SIK3: variants seen among roughly 807,000 people sequenced by gnomAD.
The protein encoded by SIK3 is SIK family kinase 3.
A neutral mutation model predicts 144.2 loss-of-function variants in SIK3; 28 were observed. That is an observed-to-expected ratio of 0.19 (90% CI 0.14 to 0.27). The LOEUF is 0.27. Ranked by LOEUF, SIK3 falls within the 10% of genes least tolerant of loss-of-function variation. SIK3 has a pLI of 1.00. For synonymous variants in SIK3, 686 were observed against 676.3 expected (o/e 1.01, Z -0.22); for missense variants, 1,319 against 1,776.0 (o/e 0.74, Z 4.62).
At chr11:117,088,276 G>C (rs965375610) in intron 1 of SIK3, among the ~76,000 whole-genome samples, 9 of 152,028 alleles carry the variant, frequency 5.9e-5, no homozygotes, top group Non-Finnish European at 1.3e-4. Flanking sequence ...TAAGGGATTT[G>C]AATTCAAATT....
chr11:116,931,549 C>G (rs910681225), intron 3 of SIK3, among the ~76,000 whole-genome samples: 8 of 152,196 alleles, frequency 5.3e-5, no homozygotes, highest in African/African-American at 1.7e-4. Context: ...TGAACATACC[C>G]TGACAGCAGG....
intron 3 of SIK3, among the ~76,000 whole-genome samples, chr11:116,942,751 G>A (rs1181206375): frequency 6.6e-6 from 1 of 152,214 alleles, no homozygotes; most frequent in East Asian, 1.9e-4. Context: ...GAAAGATGCC[G>A]ATGTGAGGAG....
chr11:116,845,989 C>T (rs1941908244), intron 24 of SIK3, among the ~76,000 whole-genome samples: 1 of 152,192 alleles, frequency 6.6e-6, no homozygotes, highest in South Asian at 2.1e-4. Context: ...ACATATTTTC[C>T]TGCCAGGTTT....
At chr11:117,037,198 G>A (rs567333808) in intron 1 of SIK3, among the ~76,000 whole-genome samples, 1 of 152,178 alleles carries the variant, frequency 6.6e-6, no homozygotes, top group African/African-American at 2.4e-5. Flanking sequence ...CTTTTTCAAG[G>A]CCATAGCAAA....
intron 1 of SIK3, among the ~76,000 whole-genome samples, chr11:117,067,629 T>C (rs1160442457): frequency 2.0e-5 from 3 of 152,208 alleles, no homozygotes; most frequent in South Asian, 2.1e-4. Context: ...AAAATTCAAA[T>C]TGTAAACTTA....
In SIK3 at chr11:116,912,371, G is replaced by A. The variant is rs544856551; in HGVS notation, c.616+14848C>T. Among the ~76,000 whole-genome samples, 23 of 152,240 alleles carry A rather than the reference G, an allele frequency of 1.5e-4. No homozygotes were observed. The South Asian group carries it at 4.6e-3, about 30-fold the overall frequency. ...TGTGGTAAGGGAAAAGAGCAAAACG[G>A]GCGGCATTAATTTATAAATCAGGGC... On this transcript the variant is annotated intron_variant, in intron 4 of 24. Transcript: ENST00000445177.
chr11:116,893,302 AG>A (rs554329063), intron 6 of SIK3, among the ~76,000 whole-genome samples: 163 of 152,112 alleles, frequency 1.1e-3, no homozygotes, highest in African/African-American at 3.2e-3. Flanking sequence ...CAGGGGAGGG[AG>A]GCAGGACAGC....
rs1390938682 is a variant in SIK3, at chr11:116,945,083, C to T, written c.454+8961G>A. On this transcript the variant is annotated intron_variant, in intron 3 of 24. Transcript: ENST00000445177. ...CACAACATTCTCCTGCCTCAGCCTC[C>T]TGAGTAGCTGGGACTACAGGCGTCC... Among the ~76,000 whole-genome samples, 5 of 152,264 alleles carry T rather than the reference C, an allele frequency of 3.3e-5. No individual in the cohort carries two copies. In the South Asian group the frequency reaches 8.3e-4, roughly 25 times the overall value.
intron 1 of SIK3, among the ~76,000 whole-genome samples, chr11:117,085,865 G>T (rs1353539377): frequency 6.6e-6 from 1 of 152,092 alleles, no homozygotes; most frequent in Non-Finnish European, 1.5e-5. Context: ...TGTGCCTATA[G>T]TCCCAGCTAC....
At chr11:117,071,053 T>G (rs1050647332) in intron 1 of SIK3, among the ~76,000 whole-genome samples, 47 of 151,740 alleles carry the variant, frequency 3.1e-4, no homozygotes, top group Non-Finnish European at 8.8e-5. Context: ...AAAAGAAACA[T>G]AAAATAAAAC....
chr11:116,846,530 G>A lies in SIK3; in HGVS notation c.3976C>T (p.His1326Tyr). The A allele has an allele frequency of 6.2e-7, 1 of 1,614,158 alleles. No individual in the cohort carries two copies. Among genetic ancestry groups the A allele is most frequent in the Non-Finnish European group, 8.5e-7 (1 of 1,180,018 alleles). ...CCATCACTCAGGTCTGGGTGCTCAT[G>A]ACCTCCCAGGCTTGCCCCACATTCT... ...NEECGASLGG[H>Y]EHPDLSDGSQ... The change falls in exon 24 of 25, where the codon CAT (histidine) becomes TAT (tyrosine). Residue 1326 changes from histidine to tyrosine, a missense_variant. Transcript: ENST00000445177. The surrounding 1 kb of genome is among the most constrained non-coding windows in gnomAD (Gnocchi z 4.1).
chr11:116,967,655 G>A (rs141412573), intron 1 of SIK3, among the ~76,000 whole-genome samples: 24 of 152,302 alleles, frequency 1.6e-4, no homozygotes, highest in African/African-American at 5.5e-4. Flanking sequence ...TTTTCAGACT[G>A]CATTTCATCC....
intron 6 of SIK3, among the ~76,000 whole-genome samples, chr11:116,886,387 A>G (rs1944819687): frequency 6.6e-6 from 1 of 152,200 alleles, no homozygotes; most frequent in African/African-American, 2.4e-5. Context: ...AAGTGCTTTT[A>G]GCCAAGCAAG....
intron 1 of SIK3, chr11:117,036,196 C>T (rs111774561): frequency 0.019 from 8,528 of 444,454 alleles, 626 homozygotes; most frequent in African/African-American, 0.16. Context: ...GTTGGGATTG[C>T]AGGTGTGAGC....
chr11:116,926,554 A>G (rs1947284260), intron 4 of SIK3, among the ~76,000 whole-genome samples: 1 of 152,222 alleles, frequency 6.6e-6, no homozygotes, highest in Admixed American at 6.5e-5. Flanking sequence ...CAGTGACATA[A>G]ATCAACCTTC....
Position 117,062,960 on chromosome 11 carries a change from C to T in SIK3, c.273+35183G>A, listed in dbSNP as rs182024261. On this transcript the variant is annotated intron_variant, in intron 1 of 24. Transcript: ENST00000445177. Reference sequence around the variant, plus strand: ...TGTGATTTAAGTTTGTTTTTAATTGCCTTTTGCTGAAGTTGGAATATTAAA... The same window carrying T: ...TGTGATTTAAGTTTGTTTTTAATTGTCTTTTGCTGAAGTTGGAATATTAAA... Among the ~76,000 whole-genome samples, 9 of 152,262 alleles carry T rather than the reference C, an allele frequency of 5.9e-5. No individual in the cohort carries two copies. In the East Asian group the frequency reaches 1.5e-3, roughly 26 times the overall value.
chr11:116,969,178 T>C (rs908455401), intron 1 of SIK3, among the ~76,000 whole-genome samples: 1 of 149,946 alleles, frequency 6.7e-6, no homozygotes, highest in Non-Finnish European at 1.5e-5. Context: ...TAGTCCCAGC[T>C]ACTCGGGAGG....
chr11:117,032,638 C>T (rs1271405366), intron 1 of SIK3, among the ~76,000 whole-genome samples: 2 of 151,232 alleles, frequency 1.3e-5, no homozygotes, highest in Non-Finnish European at 2.9e-5. Flanking sequence ...TCCCGAGTAG[C>T]TGGGACTATG....
intron 4 of SIK3, among the ~76,000 whole-genome samples, chr11:116,908,496 T>C (rs1465701588): frequency 6.6e-6 from 1 of 151,376 alleles, no homozygotes; most frequent in Non-Finnish European, 1.5e-5. Context: ...AACCAACCAA[T>C]CAATCATCAA....
Sources: gnomAD v4.1 joint callset for allele counts (sites outside exome capture counted in the v4.1 genomes callset) on GRCh38, gnomAD v4.1.1 for gene constraint, Gnocchi (gnomAD v3.1) non-coding constraint, MANE v1.5 for transcripts, NCBI Gene and HGNC (gene_info 2026-07-23, HGNC 2026-07-21) for gene names.